Variants in SLMAP observed in about 807,000 individuals in gnomAD.
SLMAP encodes the protein sarcolemmal membrane-associated protein.
A neutral mutation model predicts 128.8 loss-of-function variants in SLMAP; 44 were observed. That is an observed-to-expected ratio of 0.34 (90% confidence interval 0.27 to 0.44). The LOEUF is 0.44. Ranked by LOEUF, SLMAP falls within the 20% of genes least tolerant of loss-of-function variation. SLMAP has a pLI of 1.00. For missense variants in SLMAP, 787 were observed against 985.3 expected (o/e 0.80, Z 2.69); for synonymous variants, 327 against 348.8 (o/e 0.94, Z 0.70).
rs141592137 is a variant in SLMAP, at chr3:57,928,591, C to A, written c.*1302C>A. On this transcript the variant is annotated 3_prime_UTR_variant, in exon 25 of 25. Transcript: ENST00000671191. The stretch of plus-strand genomic sequence containing the variant: ...GTGAAAGTTTAGCCATGGTTTTGTG[C>A]GGCATCATAGTTATGTCAATAAAGT... 1 of 152,070 alleles carries A rather than the reference C, an allele frequency of 6.6e-6. No homozygotes were observed. The highest frequency in any genetic ancestry group is 1.5e-5 in the Non-Finnish European group (1 of 68,006). The allele number at this position is 152,070 out of a possible 1,614,324, so 9.4% of individuals were successfully genotyped here. A position where few individuals can be genotyped will look rare whatever the true frequency, so the allele number is the denominator to read the frequency against.
At chr3:57,818,547 G>C (rs1158797641) in intron 2 of SLMAP, among the ~76,000 whole-genome samples, 1 of 152,196 alleles carries the variant, frequency 6.6e-6, no homozygotes, top group Non-Finnish European at 1.5e-5. Flanking sequence ...TGCATGCAGA[G>C]TAGTTTATCC....
In SLMAP at chr3:57,841,342, A is replaced by G. The variant is rs1201002593; in HGVS notation, c.390A>G (p.Pro130=). ...CIVSTIKLFL[P]DGMEARLRSD... is the part of the protein sequence containing the mutation. ...TTTCCACAATAAAACTTTTTCTACC[A>G]GATGGTATGGAAGCCCGGCTCCGCT... The change falls in exon 4 of 25, where the codon CCA becomes CCG. Residue 130 remains proline (P), a synonymous_variant. Transcript: ENST00000671191. The G allele has an allele frequency of 1.2e-6, 2 of 1,610,868 alleles. No homozygotes were observed. The highest frequency in any genetic ancestry group is 1.7e-5 in the Admixed American group (1 of 59,642).
chr3:57,872,313 A>G (rs1225107806), intron 14 of SLMAP, among the ~76,000 whole-genome samples: 2 of 151,918 alleles, frequency 1.3e-5, no homozygotes, highest in South Asian at 2.1e-4. Flanking sequence ...AAAAATATAT[A>G]TATTTTAAAG....
Position 57,857,780 on chromosome 3 carries a change from T to C in SLMAP, c.567T>C (p.Leu189=), listed in dbSNP as rs2094864988. 6.2e-7 allele frequency: 1 copy of C among 1,614,014 alleles called. No homozygotes were observed. Among genetic ancestry groups the C allele is most frequent in the Admixed American group, 1.7e-5 (1 of 60,030 alleles). The change falls in exon 7 of 25, where the codon CTT becomes CTC. Residue 189 remains leucine (L), a synonymous_variant. Coordinates refer to ENST00000671191, the MANE Select transcript of SLMAP (RefSeq NM_001377540.1). ...EQMLEQKLAT[L]QRLLAITQEA... Reference sequence around the variant, plus strand: ...TGTTGGAACAGAAGTTAGCCACGCTTCAGCGGCTACTAGCCATCACCCAAG... The same window carrying C: ...TGTTGGAACAGAAGTTAGCCACGCTCCAGCGGCTACTAGCCATCACCCAAG...
At chr3:57,769,709 T>C (rs543012656) in intron 2 of SLMAP, among the ~76,000 whole-genome samples, 22 of 152,296 alleles carry the variant, frequency 1.4e-4, no homozygotes, top group Middle Eastern at 6.8e-3. Flanking sequence ...GTATTCAAGG[T>C]AGGTAGGATT....
At chr3:57,887,483 A>G (rs1405494606) in intron 14 of SLMAP, among the ~76,000 whole-genome samples, 1 of 152,164 alleles carries the variant, frequency 6.6e-6, no homozygotes, top group African/African-American at 2.4e-5. Flanking sequence ...AAGTGCTGGC[A>G]TTACAGGCAT....
chr3:57,788,535 A>G (rs968646969), intron 2 of SLMAP, among the ~76,000 whole-genome samples: 1 of 152,204 alleles, frequency 6.6e-6, no homozygotes, highest in Non-Finnish European at 1.5e-5. Context: ...GGAAGTTTGT[A>G]TATCGCTAGA....
At chr3:57,838,028 A>G (rs1560175374) in intron 3 of SLMAP, among the ~76,000 whole-genome samples, 2 of 152,100 alleles carry the variant, frequency 1.3e-5, no homozygotes, top group African/African-American at 4.8e-5. Flanking sequence ...CATCTCATAG[A>G]TTTGCGCATC....
chr3:57,926,867 G>A (rs1369719066), intron 24 of SLMAP, among the ~76,000 whole-genome samples: 2 of 152,094 alleles, frequency 1.3e-5, no homozygotes, highest in Non-Finnish European at 1.5e-5. Context: ...CTATCCCCTT[G>A]CATAAAATAT....
At chr3:57,905,002 T>A (rs1469868374) in intron 17 of SLMAP, among the ~76,000 whole-genome samples, 2 of 152,070 alleles carry the variant, frequency 1.3e-5, no homozygotes, top group Admixed American at 1.3e-4. Context: ...AGGAGGTCAA[T>A]TAAGGCTGCA....
chr3:57,766,776 A>G (rs2153437116), intron 2 of SLMAP, among the ~76,000 whole-genome samples: 1 of 152,220 alleles, frequency 6.6e-6, no homozygotes, highest in East Asian at 1.9e-4. Flanking sequence ...GTCTTCTAGA[A>G]TGACCTCTTC....
intron 14 of SLMAP, among the ~76,000 whole-genome samples, chr3:57,884,488 A>G (rs2095829405): frequency 6.6e-6 from 1 of 152,236 alleles, no homozygotes; most frequent in African/African-American, 2.4e-5. Context: ...CAGAGAAACC[A>G]ATCAGACAAA....
At chr3:57,896,408 C>T in intron 15 of SLMAP, 103 bp from the exon 16 acceptor site, 1 of 1,428,226 alleles carries the variant, frequency 7.0e-7, no homozygotes. Flanking sequence ...TTTAAAAGTA[C>T]TTTGCGTACC....
chr3:57,879,963 T>TA (rs1349168528), intron 14 of SLMAP, among the ~76,000 whole-genome samples: 11 of 145,960 alleles, frequency 7.5e-5, no homozygotes, highest in South Asian at 2.2e-4. Flanking sequence ...AAAAAAAAAA[T>TA]AAAAATAAAA....
intron 15 of SLMAP, among the ~76,000 whole-genome samples, chr3:57,893,849 A>G (rs868165453): frequency 6.6e-6 from 1 of 152,206 alleles, no homozygotes; most frequent in Admixed American, 6.5e-5. Context: ...TTAGATTCCC[A>G]TGGGCCTCCA....
intron 21 of SLMAP, among the ~76,000 whole-genome samples, chr3:57,916,028 TGCCTGTAATC>T (rs2096802599): frequency 6.6e-6 from 1 of 151,970 alleles, no homozygotes; most frequent in Non-Finnish European, 1.5e-5. Context: ...TGGTGGCGCA[TGCCTGTAATC>T]CCAGCTACTC....
chr3:57,869,630 T>TTTTATA (rs1451155377), intron 13 of SLMAP, among the ~76,000 whole-genome samples: 4 of 75,466 alleles, frequency 5.3e-5, no homozygotes, highest in South Asian at 9.2e-4. Context: ...CCCATCTCTA[T>TTTTATA]TATATATATA....
intron 22 of SLMAP, among the ~76,000 whole-genome samples, chr3:57,921,886 G>T (rs2096926149): frequency 6.6e-6 from 1 of 151,988 alleles, no homozygotes; most frequent in African/African-American, 2.4e-5. Flanking sequence ...TGTATTTTTA[G>T]TAGAGGTGGG....
In SLMAP at chr3:57,857,987, T is replaced by C. The variant is rs114997237; in HGVS notation, c.616-101T>C. On this transcript the variant is annotated intron_variant, in intron 7 of 24. Transcript: ENST00000671191. ...ATTTTACAGTGGATGCTGGTCAGTT[T>C]TACGCTTTTATATCTTTTGTTGTCA... 4.2e-3 allele frequency: 3,945 copies of C among 940,122 alleles called. 93 individuals are homozygous for C. The African/African-American group carries it at 0.058, about 14-fold the overall frequency. The allele number at this position is 940,122 out of a possible 1,614,324, so 58.2% of individuals were successfully genotyped here.
Sources: gnomAD v4.1 joint callset for allele counts (sites outside exome capture counted in the v4.1 genomes callset) on GRCh38, gnomAD v4.1.1 for gene constraint, MANE v1.5 for transcripts, NCBI Gene and HGNC (gene_info 2026-07-23, HGNC 2026-07-21) for gene names.